Variants in TSPAN18 observed in about 807,000 individuals in gnomAD.
TSPAN18 encodes the protein tetraspanin-18.
Under a neutral mutation model 27.3 loss-of-function variants are expected in TSPAN18, and 14 were observed. The ratio of observed to expected loss-of-function variants is 0.51; its 90% CI spans 0.34 to 0.80. The LOEUF (loss-of-function observed/expected upper bound fraction) is 0.80. TSPAN18 is among the 30% of genes least tolerant of loss of function. TSPAN18 has a pLI of 0.01. For synonymous variants in TSPAN18, 143 were observed against 136.5 expected (o/e 1.05, Z -0.33); for missense variants, 268 against 323.9 (o/e 0.83, Z 1.32).
chr11:44,801,829 T>C (rs1003589568), intron 2 of TSPAN18, among the ~76,000 whole-genome samples: 5 of 152,062 alleles, frequency 3.3e-5, no homozygotes, highest in African/African-American at 1.2e-4. Context: ...CCCAGGAGTT[T>C]GAGACAAGCC....
At chr11:44,785,007 G>T (rs1427184953) in intron 2 of TSPAN18, among the ~76,000 whole-genome samples, 1 of 152,202 alleles carries the variant, frequency 6.6e-6, no homozygotes, top group Admixed American at 6.5e-5. Context: ...AATATCTATG[G>T]TGATTTTAAT....
At chr11:44,861,146 C>T (rs1590595134) in intron 3 of TSPAN18, among the ~76,000 whole-genome samples, 2 of 152,154 alleles carry the variant, frequency 1.3e-5, no homozygotes, top group African/African-American at 4.8e-5. Flanking sequence ...CTTCAGTCCT[C>T]GGTAGCCACT....
intron 2 of TSPAN18, among the ~76,000 whole-genome samples, chr11:44,858,269 T>G (rs554602581): frequency 6.6e-6 from 1 of 152,038 alleles, no homozygotes; most frequent in Non-Finnish European, 1.5e-5. Flanking sequence ...CCTGGGCCCA[T>G]TGTCCACAGC....
At chr11:44,806,479 A>G (rs1432257521) in intron 2 of TSPAN18, among the ~76,000 whole-genome samples, 5 of 152,200 alleles carry the variant, frequency 3.3e-5, no homozygotes, top group Non-Finnish European at 7.3e-5. Flanking sequence ...CCTCATTCCT[A>G]ACAAGCCAAC....
At chr11:44,901,495 C>A (rs1382614181) in intron 3 of TSPAN18, among the ~76,000 whole-genome samples, 6 of 152,252 alleles carry the variant, frequency 3.9e-5, no homozygotes. Flanking sequence ...CTGCACAGGA[C>A]TACTCAGCCT....
chr11:44,858,687 T>C (rs1307070817), intron 2 of TSPAN18, among the ~76,000 whole-genome samples: 2 of 152,042 alleles, frequency 1.3e-5, no homozygotes, highest in Non-Finnish European at 2.9e-5. Flanking sequence ...GGGAGATAGA[T>C]GGGGGCCAAG....
chr11:44,903,259 T>C (rs1859331371), intron 3 of TSPAN18: 2 of 372,968 alleles, frequency 5.4e-6, no homozygotes, highest in Non-Finnish European at 5.3e-6. Context: ...TCTTAAAGGA[T>C]GAATAGGAAT....
chr11:44,878,569 G>A (rs751797021), intron 3 of TSPAN18, among the ~76,000 whole-genome samples: 7 of 152,156 alleles, frequency 4.6e-5, no homozygotes, highest in Non-Finnish European at 8.8e-5. Context: ...GGGTACCCAC[G>A]GGGCCCTGGG....
intron 8 of TSPAN18, among the ~76,000 whole-genome samples, chr11:44,921,024 G>A (rs1400084010): frequency 1.3e-5 from 2 of 152,204 alleles, no homozygotes; most frequent in African/African-American, 4.8e-5. Context: ...TGGGTCCTGG[G>A]GCTCTGGCGG....
chr11:44,752,041 A>G (rs1833796741), intron 1 of TSPAN18, among the ~76,000 whole-genome samples: 1 of 152,130 alleles, frequency 6.6e-6, no homozygotes. Context: ...TGTTAAGTAA[A>G]ATATATGAGA....
intron 2 of TSPAN18, among the ~76,000 whole-genome samples, chr11:44,844,073 T>A (rs835789): frequency 0.5 from 76,480 of 152,036 alleles, 19,613 homozygotes; most frequent in East Asian, 0.75. Context: ...CTTTACAATT[T>A]ATGTTTAGAG....
chr11:44,789,030 C>T (rs1856128867), intron 2 of TSPAN18, among the ~76,000 whole-genome samples: 1 of 152,196 alleles, frequency 6.6e-6, no homozygotes, highest in Admixed American at 6.5e-5. Flanking sequence ...GTGTGTTGTC[C>T]AGACAGGAAA....
At chr11:44,822,193 A>G (rs1286436054) in intron 2 of TSPAN18, among the ~76,000 whole-genome samples, 1 of 152,142 alleles carries the variant, frequency 6.6e-6, no homozygotes, top group Non-Finnish European at 1.5e-5. Context: ...TTCCCAATTT[A>G]AATGAACTTT....
chr11:44,891,447 A>G (rs975414499), intron 3 of TSPAN18, among the ~76,000 whole-genome samples: 4 of 152,192 alleles, frequency 2.6e-5, no homozygotes, highest in Admixed American at 6.5e-5. Context: ...AGATTCTTGT[A>G]AGGACCTGTA....
intron 8 of TSPAN18, among the ~76,000 whole-genome samples, chr11:44,921,837 T>G (rs751097564): frequency 5.9e-5 from 9 of 152,216 alleles, no homozygotes; most frequent in Admixed American, 3.3e-4. Flanking sequence ...CCGCATCAGA[T>G]GTGCTTCCCA....
At chr11:44,811,184 G>A (rs1565160319) in intron 2 of TSPAN18, among the ~76,000 whole-genome samples, 2 of 141,616 alleles carry the variant, frequency 1.4e-5, no homozygotes, top group Non-Finnish European at 3.1e-5. Context: ...ACCCCTGCCT[G>A]TGCCTTCTCA....
chr11:44,904,987 C>T (rs994141141), intron 3 of TSPAN18, among the ~76,000 whole-genome samples: 8 of 152,218 alleles, frequency 5.3e-5, no homozygotes, highest in East Asian at 1.9e-4. Flanking sequence ...AAGGATTAAA[C>T]GAGATAATAT....
rs148254945 is a variant in TSPAN18 at position 44,771,095 on chromosome 11, C to T, written c.-153+6583C>T. ...TCAGCTTATAGAGAGTATTTCAAAC[C>T]TTTGACCATAATGAGATCACTCAGG... On this transcript the variant is annotated intron_variant, in intron 2 of 9. Coordinates refer to ENST00000520358, the MANE Select transcript of TSPAN18 (RefSeq NM_130783.5). 4.6e-5 allele frequency among the ~76,000 whole-genome samples: 7 copies of T among 152,240 alleles called. 1 individual carries two copies. The Middle Eastern group carries it at 0.01, about 222-fold the overall frequency.
intron 2 of TSPAN18, among the ~76,000 whole-genome samples, chr11:44,808,768 C>T (rs527893867): frequency 5.3e-5 from 8 of 152,164 alleles, no homozygotes; most frequent in South Asian, 4.2e-4. Context: ...GGACAGATCT[C>T]GGTTCCGTCT....
Sources: allele counts gnomAD v4.1 joint callset (sites outside exome capture counted in the v4.1 genomes callset), GRCh38; gene constraint gnomAD v4.1.1; transcripts MANE v1.5; gene names NCBI Gene and HGNC (gene_info 2026-07-23, HGNC 2026-07-21).